Variants in NCKAP1L observed in about 807,000 individuals in gnomAD.
NCKAP1L encodes nck-associated protein 1-like.
In NCKAP1L, 53 loss-of-function variants were observed where a neutral mutation model predicts 139.2. The observed-to-expected ratio is 0.38, with a 90% CI of 0.31 to 0.48. NCKAP1L has a LOEUF of 0.48. Among genes scored for constraint, NCKAP1L ranks in the 20% least tolerant of loss-of-function variants. NCKAP1L has a pLI of 0.98. For synonymous variants in NCKAP1L, 468 were observed against 499.7 expected (o/e 0.94, Z 0.85); for missense variants, 1,151 against 1,381.9 (o/e 0.83, Z 2.65).
chr12:54,526,039 A>G lies in NCKAP1L; in HGVS notation c.2157-489A>G, dbSNP rs116471052. ...TATTCAGCCCTGGCGTGCCATGGCT[A>G]CTCAGGATTATAATATACTTCCAAG... On this transcript the variant is annotated intron_variant, in intron 20 of 30. Coordinates refer to ENST00000293373, the MANE Select transcript of NCKAP1L (RefSeq NM_005337.5). Among the ~76,000 whole-genome samples the G allele has an allele frequency of 8.5e-3, 1,300 of 152,280 alleles. 26 individuals are homozygous for G. The highest frequency in any genetic ancestry group is 0.029 in the African/African-American group (1,217 of 41,550).
rs1462510681 is a variant in NCKAP1L, at chr12:54,545,467, G to A, written c.*2782G>A. 1.3e-5 allele frequency: 2 copies of A among 152,232 alleles called. No homozygotes were observed. The highest frequency in any genetic ancestry group is 1.3e-4 in the Admixed American group (2 of 15,288). The allele number at this position is 152,232 out of a possible 1,614,324, so 9.4% of individuals were successfully genotyped here. On this transcript the variant is annotated 3_prime_UTR_variant, in exon 31 of 31. Transcript: ENST00000293373. ...TTTTAGAATCCAGAGACCTTAGAAG[G>A]AGCAAATTGGAGAAGGTGAGGACAT...
At chr12:54,532,927 G>T (rs923018528) in intron 26 of NCKAP1L, among the ~76,000 whole-genome samples, 2 of 152,230 alleles carry the variant, frequency 1.3e-5, no homozygotes, top group Non-Finnish European at 2.9e-5. Flanking sequence ...AATGCATAGG[G>T]CAGGCTCCTT....
chr12:54,536,961 C>A lies in NCKAP1L; in HGVS notation c.3091C>A (p.His1031Asn), dbSNP rs1359916999. 1 of 1,610,628 alleles carries A rather than the reference C, an allele frequency of 6.2e-7. No homozygotes were observed. Among genetic ancestry groups the A allele is most frequent in the South Asian group, 1.1e-5 (1 of 90,980 alleles). ...IEKDGYNNNI[H>N]CLTKAIIQVS... ...TAACCTAGGTTACAACAACAATATT[C>A]ATTGCTTGACCAAAGCCATCATCCA... Residue 1031 changes from histidine to asparagine, a missense_variant, in exon 29 of 31, where the codon CAT becomes AAT. Physicochemically the swap from His to Asn is moderately conservative, Grantham distance 68. Transcript: ENST00000293373.
chr12:54,526,030 G>A (rs932865066), intron 20 of NCKAP1L, among the ~76,000 whole-genome samples: 2 of 152,160 alleles, frequency 1.3e-5, no homozygotes, highest in Non-Finnish European at 2.9e-5. Flanking sequence ...GCCCTGGCGT[G>A]CCATGGCTAC....
At position 54,526,516 on chromosome 12, in the gene NCKAP1L, TAAA is replaced by T. The variant is rs1592348089; in HGVS notation, c.2157-11_2157-9del. On this transcript the variant is annotated splice_polypyrimidine_tract_variant and intron_variant, in intron 20 of 30. Coordinates refer to ENST00000293373, the MANE Select transcript of NCKAP1L (RefSeq NM_005337.5). ...GATTGTAATTCTAATTTTTTTTTTT[TAAA>T]TCACCTAGAGCCATTGTGTGGCTGG... 1.2e-6 allele frequency: 2 copies of T among 1,600,556 alleles called. No homozygotes were observed. The highest frequency in any genetic ancestry group is 1.3e-5 in the African/African-American group (1 of 74,552).
At chr12:54,498,021 T>C in intron 1 of NCKAP1L, 130 bp downstream of exon 1, 1 of 616,892 alleles carries the variant, frequency 1.6e-6, no homozygotes, top group Non-Finnish European at 3.0e-6. Flanking sequence ...ATAATCTACA[T>C]AATCACTCAG....
At chr12:54,537,683 C>G (rs561600697) in intron 29 of NCKAP1L, among the ~76,000 whole-genome samples, 1 of 152,108 alleles carries the variant, frequency 6.6e-6, no homozygotes, top group South Asian at 2.1e-4. Context: ...ATCAGAATCA[C>G]CTGGAGAGTT....
At chr12:54,508,161 C>T (rs1379079149) in intron 4 of NCKAP1L, among the ~76,000 whole-genome samples, 2 of 152,148 alleles carry the variant, frequency 1.3e-5, no homozygotes, top group Non-Finnish European at 2.9e-5. Context: ...TCACCTTTTC[C>T]ATCTCCTAAA....
At chr12:54,499,079 C>T (rs1231555294) in intron 1 of NCKAP1L, among the ~76,000 whole-genome samples, 2 of 152,054 alleles carry the variant, frequency 1.3e-5, no homozygotes, top group Non-Finnish European at 2.9e-5. Flanking sequence ...TTGTGCACCA[C>T]CATGCCCAGC....
At chr12:54,499,990 T>C (rs1175346349) in intron 2 of NCKAP1L, among the ~76,000 whole-genome samples, 1 of 152,238 alleles carries the variant, frequency 6.6e-6, no homozygotes, top group Non-Finnish European at 1.5e-5. Context: ...TTTAGCCCTC[T>C]GTATCTAGTC....
At chr12:54,507,359 C>G (rs1266524740) in intron 3 of NCKAP1L, among the ~76,000 whole-genome samples, 1 of 152,134 alleles carries the variant, frequency 6.6e-6, no homozygotes, top group African/African-American at 2.4e-5. Flanking sequence ...ATGCAAATTA[C>G]TTGGTAAGTA....
intron 20 of NCKAP1L, 24 bp downstream of exon 20, chr12:54,523,980 G>A (rs111445435): frequency 1.2e-6 from 2 of 1,608,510 alleles, no homozygotes; most frequent in African/African-American, 1.3e-5. Context: ...CTTGTCCTCT[G>A]TTTGGACAGT....
chr12:54,517,182 A>T (rs745569810), intron 11 of NCKAP1L, among the ~76,000 whole-genome samples, 190 bp downstream of exon 11: 12 of 152,192 alleles, frequency 7.9e-5, no homozygotes, highest in Non-Finnish European at 1.5e-5. Flanking sequence ...TATACGTAGT[A>T]TGTGGTGTAT....
At chr12:54,533,106 G>A (rs1350941207) in intron 26 of NCKAP1L, among the ~76,000 whole-genome samples, 23 of 152,174 alleles carry the variant, frequency 1.5e-4, no homozygotes, top group Admixed American at 1.5e-3. Flanking sequence ...GTGACTGTGG[G>A]GGCAGTGAGG....
chr12:54,513,232 A>G, intron 9 of NCKAP1L, among the ~76,000 whole-genome samples: 1 of 152,232 alleles, frequency 6.6e-6, no homozygotes, highest in East Asian at 1.9e-4. Context: ...TGGCGTGGAT[A>G]TCTGGTATTC....
In NCKAP1L at chr12:54,538,953, A is replaced by G. The variant is rs1205330478; in HGVS notation, c.3253A>G (p.Ile1085Val). 1.2e-6 allele frequency: 2 copies of G among 1,613,880 alleles called. No individual in the cohort carries two copies. Among genetic ancestry groups the G allele is most frequent in the African/African-American group, 2.7e-5 (2 of 74,904 alleles). ...DKLKTRNRES[I>V]SLLMRLVVEE... ...GCTTAAAACCAGAAATCGAGAATCC[A>G]TTTCTCTGCTCATGCGCTTGGTAAG... Residue 1085 changes from isoleucine (I) to valine (V), a missense_variant, in exon 30 of 31, where the codon ATT becomes GTT. Ile to Val is a conservative substitution (Grantham distance 29). Transcript: ENST00000293373.
chr12:54,511,772 T>C (rs1450132613), intron 7 of NCKAP1L, 31 bp from the exon 8 acceptor site: 1 of 1,609,076 alleles, frequency 6.2e-7, no homozygotes, highest in Non-Finnish European at 8.5e-7. Context: ...CCAAGTTAAA[T>C]AACTGATCAT....
intron 21 of NCKAP1L, 143 bp downstream of exon 21, chr12:54,526,889 G>GC: frequency 1.5e-6 from 1 of 673,854 alleles, no homozygotes; most frequent in Non-Finnish European, 2.6e-6. Flanking sequence ...GAGGAATGGA[G>GC]CAATAACCTG....
intron 2 of NCKAP1L, among the ~76,000 whole-genome samples, chr12:54,499,926 T>A (rs904683545): frequency 3.9e-5 from 6 of 152,214 alleles, no homozygotes; most frequent in Non-Finnish European, 8.8e-5. Context: ...TCTTTTGACT[T>A]TGATATAAAT....
Sources: allele counts gnomAD v4.1 joint callset (sites outside exome capture counted in the v4.1 genomes callset), GRCh38; gene constraint gnomAD v4.1.1; transcripts MANE v1.5; gene names NCBI Gene and HGNC (gene_info 2026-07-23, HGNC 2026-07-21).